TTLL5: variants seen among roughly 807,000 people sequenced by gnomAD.
TTLL5 encodes tubulin polyglutamylase TTLL5.
TTLL5 carries 132 observed loss-of-function variants against 168.4 expected under a neutral mutation model. The observed-to-expected ratio is 0.78, with a 90% CI of 0.68 to 0.91. The LOEUF (loss-of-function observed/expected upper bound fraction) is 0.91, where lower values mean the gene tolerates loss of function less well. Ranked by LOEUF, TTLL5 falls within the 40% of genes least tolerant of loss-of-function variation. TTLL5 has a pLI of 0.00. For synonymous variants in TTLL5, 546 were observed against 558.6 expected, an observed-to-expected ratio of 0.98 and a Z score of 0.32; for missense variants, 1,545 against 1,581.5, an observed-to-expected ratio of 0.98 and a Z score of 0.39.
chr14:75,750,863 A>G (rs1280807885), intron 17 of TTLL5, among the ~76,000 whole-genome samples: 1 of 152,208 alleles, frequency 6.6e-6, no homozygotes, highest in African/African-American at 2.4e-5. Context: ...AGTTATGTGA[A>G]TGTGGCCTCT....
intron 9 of TTLL5, among the ~76,000 whole-genome samples, chr14:75,715,978 G>T (rs1450224463): frequency 6.6e-6 from 1 of 152,104 alleles, no homozygotes; most frequent in Non-Finnish European, 1.5e-5. Flanking sequence ...TTTTTCTGAA[G>T]CAGAAGCTTT....
At chr14:75,759,531 T>C (rs1296381920) in intron 18 of TTLL5, among the ~76,000 whole-genome samples, 1 of 152,124 alleles carries the variant, frequency 6.6e-6, no homozygotes, top group Non-Finnish European at 1.5e-5. Flanking sequence ...CATCTTACGA[T>C]GCCAGCATGA....
At chr14:75,847,205 G>A (rs1400255292) in intron 28 of TTLL5, among the ~76,000 whole-genome samples, 3 of 151,988 alleles carry the variant, frequency 2.0e-5, no homozygotes, top group African/African-American at 7.3e-5. Flanking sequence ...ATTTCACCAT[G>A]TTGGCCAGTC....
chr14:75,944,718 G>C (rs2034714969), intron 31 of TTLL5, among the ~76,000 whole-genome samples: 2 of 151,874 alleles, frequency 1.3e-5, no homozygotes, highest in South Asian at 4.1e-4. Context: ...TGTTGAAACT[G>C]TCTCTCTAAA....
chr14:75,798,869 G>A (rs953452166), intron 27 of TTLL5, among the ~76,000 whole-genome samples: 4 of 152,052 alleles, frequency 2.6e-5, no homozygotes, highest in Non-Finnish European at 4.4e-5. Flanking sequence ...GTTGAGACTC[G>A]TTTTGTGGCC....
intron 26 of TTLL5, among the ~76,000 whole-genome samples, chr14:75,788,706 A>C (rs1270803229): frequency 1.3e-5 from 2 of 152,102 alleles, no homozygotes; most frequent in Non-Finnish European, 2.9e-5. Context: ...TTTTAAAAAA[A>C]CTCTTCTGGA....
Position 75,954,412 on chromosome 14 carries a change from T to C in TTLL5, c.3824-12T>C, listed in dbSNP as rs2035053881. 6.2e-7 allele frequency: 1 copy of C among 1,613,958 alleles called. No homozygotes were observed. The highest frequency in any genetic ancestry group is 8.5e-7 in the Non-Finnish European group (1 of 1,179,970). ...ATTTCATTCATTTCATGGTTGCCTTTCTCTTTTTCAGATCCTGCTCACACT... is the reference window on the plus strand; with the variant it reads ...ATTTCATTCATTTCATGGTTGCCTTCCTCTTTTTCAGATCCTGCTCACACT... On this transcript the variant is annotated splice_polypyrimidine_tract_variant and intron_variant, in intron 31 of 31. Transcript: ENST00000298832.
intron 7 of TTLL5, among the ~76,000 whole-genome samples, chr14:75,701,365 A>C (rs2140159695): frequency 6.6e-6 from 1 of 152,256 alleles, no homozygotes; most frequent in South Asian, 2.1e-4. Flanking sequence ...ATATTTATGA[A>C]CAAAAGACTA....
rs1280277904 is a variant in TTLL5 at position 75,677,393 on chromosome 14, T to C, written c.182-4152T>C. Among the ~76,000 whole-genome samples the C allele has an allele frequency of 2.9e-4, 38 of 130,912 alleles. No homozygotes were observed. In the East Asian group the frequency reaches 3.2e-3, roughly 11 times the overall value. 85.9% of individuals were successfully genotyped at this position (130,912 alleles called of 152,430 possible). A position where few individuals can be genotyped will look rare whatever the true frequency, so the allele number is the denominator to read the frequency against. ...GATTCTCTTTCTCTCTCTCTCTCTT[T>C]TTTTTTTTTTTTTTTTTTTTGAGAC... On this transcript the variant is annotated intron_variant, in intron 3 of 31. Coordinates refer to ENST00000298832, the MANE Select transcript of TTLL5 (RefSeq NM_015072.5).
At chr14:75,902,619 G>A (rs1318823269) in intron 31 of TTLL5, 2 of 459,240 alleles carry the variant, frequency 4.4e-6, no homozygotes, top group Non-Finnish European at 8.7e-6. Flanking sequence ...GGCTCAGAAA[G>A]TTGAGGGCTT....
intron 28 of TTLL5, among the ~76,000 whole-genome samples, chr14:75,852,836 A>G (rs1458667698): frequency 1.3e-5 from 2 of 152,214 alleles, no homozygotes; most frequent in Non-Finnish European, 2.9e-5. Context: ...GCTAGCTATC[A>G]GTGTTCCCAG....
intron 6 of TTLL5, among the ~76,000 whole-genome samples, chr14:75,691,910 G>A (rs1167873955): frequency 6.6e-6 from 1 of 152,214 alleles, no homozygotes; most frequent in Non-Finnish European, 1.5e-5. Flanking sequence ...CATCAGGAAT[G>A]CCTGCTTCAC....
intron 13 of TTLL5, among the ~76,000 whole-genome samples, chr14:75,732,891 A>C (rs1594941723): frequency 6.6e-6 from 1 of 152,256 alleles, no homozygotes; most frequent in South Asian, 2.1e-4. Flanking sequence ...CAAAAACTTC[A>C]AACAACTTAA....
chr14:75,777,222 C>T (rs1281526594), intron 23 of TTLL5, among the ~76,000 whole-genome samples: 1 of 152,134 alleles, frequency 6.6e-6, no homozygotes, highest in African/African-American at 2.4e-5. Flanking sequence ...CTGTAGTTCT[C>T]GACAGCCTTC....
intron 7 of TTLL5, among the ~76,000 whole-genome samples, chr14:75,700,469 C>T (rs532669562): frequency 7.9e-5 from 12 of 152,182 alleles, no homozygotes; most frequent in African/African-American, 2.4e-4. Context: ...CAAATGAGCA[C>T]GTGCACAGCT....
At chr14:75,842,129 A>C (rs571171712) in intron 28 of TTLL5, among the ~76,000 whole-genome samples, 12 of 152,276 alleles carry the variant, frequency 7.9e-5, no homozygotes, top group African/African-American at 2.9e-4. Flanking sequence ...TAGAAGTGGA[A>C]TTGTTGGATC....
chr14:75,931,808 C>T (rs1047943069), intron 31 of TTLL5, among the ~76,000 whole-genome samples: 1 of 152,178 alleles, frequency 6.6e-6, no homozygotes, highest in Non-Finnish European at 1.5e-5. Context: ...AAGATGTTTC[C>T]TCTTCCTAGA....
intron 7 of TTLL5, among the ~76,000 whole-genome samples, chr14:75,703,277 C>T (rs1477435717): frequency 1.3e-5 from 2 of 152,192 alleles, no homozygotes; most frequent in Admixed American, 6.5e-5. Context: ...AGTGAGAGGG[C>T]CACTTACTAA....
chr14:75,793,046 G>A lies in TTLL5; in HGVS notation c.3117G>A (p.Lys1039=), dbSNP rs760160734. The change falls in exon 27 of 32, where the codon AAG becomes AAA. Residue 1039 remains lysine, a synonymous_variant. Coordinates refer to ENST00000298832, the MANE Select transcript of TTLL5 (RefSeq NM_015072.5). ...VTAELQRLAE[K]QAARQYSPSS... ...CTGAACTTCAGCGGCTAGCTGAGAAGCAGGCAGCGAGACAGTATTCTCCAT... is the reference window on the plus strand; with the variant it reads ...CTGAACTTCAGCGGCTAGCTGAGAAACAGGCAGCGAGACAGTATTCTCCAT... 3.7e-6 allele frequency: 6 copies of A among 1,613,678 alleles called. No individual in the cohort carries two copies. The East Asian group carries it at 1.3e-4, about 36-fold the overall frequency.
Sources: gnomAD v4.1 joint callset for allele counts (sites outside exome capture counted in the v4.1 genomes callset) on GRCh38, gnomAD v4.1.1 for gene constraint, MANE v1.5 for transcripts, NCBI Gene and HGNC (gene_info 2026-07-23, HGNC 2026-07-21) for gene names.